CXCL12: variants seen among roughly 807,000 people sequenced by gnomAD.
CXCL12 encodes C-X-C motif chemokine ligand 12, also known as stromal cell-derived factor 1.
A neutral mutation model predicts 10.7 loss-of-function variants in CXCL12; 4 were observed. The ratio of observed to expected loss-of-function variants is 0.37; its 90% confidence interval spans 0.18 to 0.86. The LOEUF is 0.86. Among genes scored for constraint, CXCL12 ranks in the 40% least tolerant of loss-of-function variants. CXCL12 has a pLI of 0.43. For missense variants in CXCL12, 122 were observed against 110.4 expected (o/e 1.10, Z -0.47); for synonymous variants, 54 against 45.4 (o/e 1.19, Z -0.77).
At chr10:44,379,242 A>G (rs1588900348) in intron 2 of CXCL12, among the ~76,000 whole-genome samples, 1 of 152,140 alleles carries the variant, frequency 6.6e-6, no homozygotes, top group East Asian at 1.9e-4. Flanking sequence ...GCCTGCCAGA[A>G]GTCACCGCGG....
rs568412417 is a variant in CXCL12 at position 44,377,770 on chromosome 10, C to T, written c.*863G>A. 4.4e-6 allele frequency: 7 copies of T among 1,598,316 alleles called. No individual in the cohort carries two copies. The African/African-American group carries it at 5.3e-5, about 12-fold the overall frequency. On this transcript the variant is annotated 3_prime_UTR_variant, in exon 3 of 3. Coordinates refer to ENST00000343575, the MANE Select transcript of CXCL12 (RefSeq NM_199168.4). Reference sequence around the variant, plus strand: ...ACCATTACACATCCCCAGGAGAGGGCCAGCTCCATTCTGGAGGAGGCCAAA... The same window carrying T: ...ACCATTACACATCCCCAGGAGAGGGTCAGCTCCATTCTGGAGGAGGCCAAA...
chr10:44,382,074 C>A (rs1839649609), intron 1 of CXCL12, among the ~76,000 whole-genome samples: 1 of 152,120 alleles, frequency 6.6e-6, no homozygotes, highest in Non-Finnish European at 1.5e-5. Flanking sequence ...ATTCAGCCAC[C>A]AAGTTGCAGG....
At chr10:44,379,393 C>A (rs1180499525) in intron 2 of CXCL12, among the ~76,000 whole-genome samples, 4 of 152,158 alleles carry the variant, frequency 2.6e-5, no homozygotes, top group African/African-American at 9.6e-5. Context: ...CTCTTAAAAG[C>A]TTCCCTACAT....
In CXCL12 at chr10:44,380,869, T is replaced by G; in HGVS notation, c.73A>C (p.Ser25Arg). Residue 25 changes from serine (S) to arginine (R), a missense_variant, in exon 2 of 3, where the codon AGC (serine) becomes CGC (arginine). By Grantham distance (110) the Ser-to-Arg change is moderately radical (BLOSUM62 -1). Coordinates refer to ENST00000343575, the MANE Select transcript of CXCL12 (RefSeq NM_199168.4). ...ALCLSDGKPV[S>R]LSYRCPCRFF... Reference sequence around the variant, plus strand: ...CGGCATGGGCATCTGTAGCTCAGGCTGACGGGCTTCCCTAGAAGAGGTAAG... The same window carrying G: ...CGGCATGGGCATCTGTAGCTCAGGCGGACGGGCTTCCCTAGAAGAGGTAAG... 1 of 1,614,206 alleles carries G rather than the reference T, an allele frequency of 6.2e-7. No individual in the cohort carries two copies. Among genetic ancestry groups the G allele is most frequent in the Non-Finnish European group, 8.5e-7 (1 of 1,180,020 alleles).
At position 44,377,784 on chromosome 10, in the gene CXCL12, G is replaced by C. The variant is rs993708993; in HGVS notation, c.*849C>G. 1.3e-6 allele frequency: 2 copies of C among 1,598,266 alleles called. No homozygotes were observed. Among genetic ancestry groups the C allele is most frequent in the Non-Finnish European group, 1.7e-6 (2 of 1,179,780 alleles). The stretch of plus-strand genomic sequence containing the variant: ...CCAGGAGAGGGCCAGCTCCATTCTG[G>C]AGGAGGCCAAAGACGGATCTCACAG... On this transcript the variant is annotated 3_prime_UTR_variant, in exon 3 of 3. Transcript: ENST00000343575.
At chr10:44,381,005 G>T in intron 1 of CXCL12, 125 bp from the exon 2 acceptor site, 1 of 802,216 alleles carries the variant, frequency 1.2e-6, no homozygotes, top group African/African-American at 1.7e-5. Context: ...GTAAGTTCCA[G>T]GTTACTGGTG....
rs1839749920 is a variant in CXCL12 at position 44,384,864 on chromosome 10, A to C, written c.61+81T>G. On this transcript the variant is annotated intron_variant, in intron 1 of 2. Transcript: ENST00000343575. ...GTCGGGCGGCGCAAACTGCGGGCGCAGGCAGAGGAGCCGCGGCTCTGCGCC... is the reference window on the plus strand; with the variant it reads ...GTCGGGCGGCGCAAACTGCGGGCGCCGGCAGAGGAGCCGCGGCTCTGCGCC... The C allele has an allele frequency of 1.7e-5, 23 of 1,393,668 alleles. No individual in the cohort carries two copies. In the East Asian group the frequency reaches 5.9e-4, roughly 36 times the overall value. 86.3% of individuals were successfully genotyped at this position (1,393,668 alleles called of 1,614,324 possible).
chr10:44,378,141 A>G lies in CXCL12; in HGVS notation c.*492T>C. 1 of 1,435,572 alleles carries G rather than the reference A, an allele frequency of 7.0e-7. No homozygotes were observed. The highest frequency in any genetic ancestry group is 9.1e-7 in the Non-Finnish European group (1 of 1,098,326). 88.9% of individuals were successfully genotyped at this position (1,435,572 alleles called of 1,614,324 possible). Reference sequence around the variant, plus strand: ...CTCTTGGGAGGGGCGCTGCTGCGGGAGCCTCAGTGTCTGAAGAAAGGACAC... The same window carrying G: ...CTCTTGGGAGGGGCGCTGCTGCGGGGGCCTCAGTGTCTGAAGAAAGGACAC... On this transcript the variant is annotated 3_prime_UTR_variant, in exon 3 of 3. Coordinates refer to ENST00000343575, the MANE Select transcript of CXCL12 (RefSeq NM_199168.4).
chr10:44,377,931 GATTAAGC>G lies in CXCL12; in HGVS notation c.*695_*701del. On this transcript the variant is annotated 3_prime_UTR_variant, in exon 3 of 3. Coordinates refer to ENST00000343575, the MANE Select transcript of CXCL12 (RefSeq NM_199168.4). ...CTACAGAAATGAGAAGCAGAAGCAA[GATTAAGC>G]ATGCTCTCGGAGTCGGGGAGAGAGT... 6.5e-7 allele frequency: 1 copy of G among 1,541,614 alleles called. No individual in the cohort carries two copies. Among genetic ancestry groups the G allele is most frequent in the South Asian group, 1.2e-5 (1 of 83,994 alleles).
At chr10:44,377,022 G>A (rs1203510463), downstream of CXCL12, 1 of 902,592 alleles carries the variant, frequency 1.1e-6, no homozygotes, top group African/African-American at 1.8e-5. Flanking sequence ...TCAGACACCT[G>A]ACTGCAGGCA....
chr10:44,373,854 G>C (rs775092439), downstream of CXCL12, among the ~76,000 whole-genome samples: 75 of 152,182 alleles, frequency 4.9e-4, no homozygotes, highest in Non-Finnish European at 8.8e-4. Flanking sequence ...TGCACAGGTG[G>C]CCAGGACCTC....
chr10:44,384,347 C>G (rs1425102316), intron 1 of CXCL12, among the ~76,000 whole-genome samples: 1 of 152,134 alleles, frequency 6.6e-6, no homozygotes, highest in Admixed American at 6.5e-5. Context: ...GGCACAAGCC[C>G]GACAGCTGCG....
At chr10:44,375,953 T>G, downstream of CXCL12, 1 of 1,612,282 alleles carries the variant, frequency 6.2e-7, no homozygotes, top group African/African-American at 1.3e-5. Context: ...TTTTTCCTTT[T>G]CTGGGCAGCC....
chr10:44,378,498 A>C lies in CXCL12; in HGVS notation c.*135T>G. The stretch of plus-strand genomic sequence containing the variant: ...CAAACCTCAGGCCCGATCCCAGATC[A>C]ATGTGCCCACCCCACACACACACCT... On this transcript the variant is annotated 3_prime_UTR_variant, in exon 3 of 3. Transcript: ENST00000343575. 6 of 1,545,930 alleles carry C rather than the reference A, an allele frequency of 3.9e-6. No homozygotes were observed. The highest frequency in any genetic ancestry group is 4.4e-6 in the Non-Finnish European group (5 of 1,145,446).
At chr10:44,370,259 G>C (rs1396925848) in exon 4 of CXCL12, 1 of 152,440 alleles carries the variant, frequency 6.6e-6, no homozygotes, top group Non-Finnish European at 1.5e-5. Flanking sequence ...GTTTCTCAAA[G>C]AGTTGTTTCT....
rs777567895 is a variant in CXCL12, at chr10:44,377,893, G to A, written c.*740C>T. On this transcript the variant is annotated 3_prime_UTR_variant, in exon 3 of 3. Coordinates refer to ENST00000343575, the MANE Select transcript of CXCL12 (RefSeq NM_199168.4). ...CAATCACCCTCTTCCCGGCTGGTGC[G>A]GCGCTGATCAGGCTACAGAAATGAG... The A allele has an allele frequency of 3.2e-5, 50 of 1,568,922 alleles. No homozygotes were observed. Among genetic ancestry groups the A allele is most frequent in the South Asian group, 2.3e-4 (20 of 87,018 alleles).
chr10:44,370,663 T>C (rs1191554033), exon 4 of CXCL12: 1 of 152,218 alleles, frequency 6.6e-6, no homozygotes, highest in African/African-American at 2.4e-5. Context: ...GATCACACCA[T>C]GGAAGGGTCC....
chr10:44,373,132 T>A, downstream of CXCL12: 1 of 1,533,964 alleles, frequency 6.5e-7, no homozygotes, highest in Non-Finnish European at 8.8e-7. Flanking sequence ...CACTGAATAA[T>A]CAAACTAAAT....
chr10:44,377,641 A>G lies in CXCL12; in HGVS notation c.*992T>C. 6.5e-7 allele frequency: 1 copy of G among 1,543,710 alleles called. No homozygotes were observed. Among genetic ancestry groups the G allele is most frequent in the Non-Finnish European group, 8.7e-7 (1 of 1,152,292 alleles). On this transcript the variant is annotated 3_prime_UTR_variant, in exon 3 of 3. Coordinates refer to ENST00000343575, the MANE Select transcript of CXCL12 (RefSeq NM_199168.4). ...TTGTTAGTGCCTCCATGGCATACAT[A>G]GGCTTCAGAGGCAATCACAAAACCC...
Sources: allele counts gnomAD v4.1 joint callset (sites outside exome capture counted in the v4.1 genomes callset), GRCh38; gene constraint gnomAD v4.1.1; transcripts MANE v1.5; gene names NCBI Gene and HGNC (gene_info 2026-07-23, HGNC 2026-07-21).